Variants in TECPR2 observed in about 807,000 individuals in gnomAD.
The protein encoded by TECPR2 is tectonin beta-propeller repeat containing 2.
TECPR2 carries 65 observed loss-of-function variants against 138.1 expected under a neutral mutation model. The observed-to-expected ratio is 0.47, with a 90% CI of 0.39 to 0.58. The LOEUF is 0.58. Among genes scored for constraint, TECPR2 ranks in the 20% least tolerant of loss-of-function variants. TECPR2 has a pLI of 0.00. For synonymous variants in TECPR2, 746 were observed against 749.8 expected (o/e 0.99, Z 0.08); for missense variants, 1,553 against 1,824.5 (o/e 0.85, Z 2.71).
chr14:102,434,737 T>A lies in TECPR2; in HGVS notation c.1920T>A (p.Cys640Ter). ...IQPIGPQSTFCEVPLLNSLTV... is the reference protein window; with the variant it reads ...IQPIGPQSTF ...CCATTGGCCCCCAAAGCACTTTTTG[T>A]GAAGTCCCCCTCCTGAACTCACTCA... The change falls in exon 9 of 20, where the codon TGT becomes TGA. Residue 640 changes from cysteine to a stop codon, truncating the protein, a stop_gained. Coordinates refer to ENST00000359520, the MANE Select transcript of TECPR2 (RefSeq NM_014844.5). LOFTEE classifies it high-confidence loss of function. 6.2e-7 allele frequency: 1 copy of A among 1,613,680 alleles called. No individual in the cohort carries two copies. The highest frequency in any genetic ancestry group is 8.5e-7 in the Non-Finnish European group (1 of 1,180,022).
Position 102,419,816 on chromosome 14 carries a change from G to A in TECPR2, c.638+5023G>A, listed in dbSNP as rs774481141. Among the ~76,000 whole-genome samples the A allele has an allele frequency of 1.3e-5, 2 of 152,154 alleles. No homozygotes were observed. The highest frequency in any genetic ancestry group is 2.4e-5 in the African/African-American group (1 of 41,424). The stretch of plus-strand genomic sequence containing the variant: ...GAGCCCTCTGCAGACCTGTTACTGT[G>A]TCCCCTGTGAGTCTAGTACTCAGGG... On this transcript the variant is annotated intron_variant, in intron 5 of 19. Transcript: ENST00000359520. This position sits in a 1 kb window ranked among gnomAD's most constrained non-coding sequence, Gnocchi z 4.8.
At chr14:102,400,642 G>A (rs1416733197) in intron 2 of TECPR2, among the ~76,000 whole-genome samples, 1 of 152,068 alleles carries the variant, frequency 6.6e-6, no homozygotes, top group African/African-American at 2.4e-5. Context: ...ACATGAGAAA[G>A]GAATTTAAAT....
chr14:102,464,919 G>T (rs1315799083), intron 16 of TECPR2, among the ~76,000 whole-genome samples: 1 of 152,182 alleles, frequency 6.6e-6, no homozygotes, highest in Non-Finnish European at 1.5e-5. Flanking sequence ...GTGGCCAGAG[G>T]CCATTATTAC....
chr14:102,417,095 T>C (rs1889044805), intron 5 of TECPR2, among the ~76,000 whole-genome samples: 1 of 152,204 alleles, frequency 6.6e-6, no homozygotes, highest in Admixed American at 6.5e-5. Context: ...AGTCAAGTCT[T>C]TAGGGAACAT....
chr14:102,416,355 A>G (rs1219596331), intron 5 of TECPR2, among the ~76,000 whole-genome samples: 5 of 152,114 alleles, frequency 3.3e-5, no homozygotes, highest in Non-Finnish European at 5.9e-5. Flanking sequence ...TCCCGACCTC[A>G]GGTGATCCGC....
intron 2 of TECPR2, among the ~76,000 whole-genome samples, chr14:102,393,392 G>A (rs1888229735): frequency 6.6e-6 from 1 of 152,144 alleles, no homozygotes; most frequent in Admixed American, 6.6e-5. Context: ...TGTCTGGGAT[G>A]TTTTGATTCT....
chr14:102,482,200 G>A (rs964505030), intron 17 of TECPR2, among the ~76,000 whole-genome samples: 5 of 152,116 alleles, frequency 3.3e-5, no homozygotes, highest in South Asian at 2.1e-4. Context: ...CTTAACAGGC[G>A]TGTGCCACCA....
chr14:102,440,388 T>G (rs200855499), intron 10 of TECPR2, 48 bp from the exon 11 acceptor site: 115 of 1,596,424 alleles, frequency 7.2e-5, no homozygotes, highest in Admixed American at 1.9e-4. Flanking sequence ...TGTATAGAAA[T>G]ATATTCTAGT....
chr14:102,437,855 G>T (rs950981024), intron 9 of TECPR2, among the ~76,000 whole-genome samples, 167 bp from the exon 10 acceptor site: 2 of 152,160 alleles, frequency 1.3e-5, no homozygotes, highest in African/African-American at 4.8e-5. Flanking sequence ...TTGTAGTAGA[G>T]GGGTGTCCAC....
chr14:102,451,907 C>T (rs1299976366), intron 15 of TECPR2, among the ~76,000 whole-genome samples: 2 of 152,064 alleles, frequency 1.3e-5, no homozygotes, highest in Admixed American at 1.3e-4. Flanking sequence ...GCAGCTGCCC[C>T]ACCCCCCGGC....
In TECPR2 at chr14:102,415,428, A is replaced by G. The variant is rs1258023310; in HGVS notation, c.638+635A>G. On this transcript the variant is annotated intron_variant, in intron 5 of 19. Coordinates refer to ENST00000359520, the MANE Select transcript of TECPR2 (RefSeq NM_014844.5). The surrounding 1 kb of genome is among the most constrained non-coding windows in gnomAD (Gnocchi z 4.3). ...CCTCCTTTGACCAGTGATGTGGAGG[A>G]AGGGCATCGAGAAGTCCACCAGCCA... 1.3e-5 allele frequency among the ~76,000 whole-genome samples: 2 copies of G among 152,146 alleles called. No individual in the cohort carries two copies. The highest frequency in any genetic ancestry group is 4.8e-5 in the African/African-American group (2 of 41,436).
chr14:102,462,366 G>A (rs1003679988), intron 16 of TECPR2, among the ~76,000 whole-genome samples: 1 of 152,102 alleles, frequency 6.6e-6, no homozygotes, highest in African/African-American at 2.4e-5. Flanking sequence ...AAACTCCCCG[G>A]TAAAACATTC....
rs185206830 is a variant in TECPR2 at position 102,471,049 on chromosome 14, C to A, written c.3789+5760C>A. ...GAATAGGATGGTTTTGATCTCCTGA[C>A]CTCATGATCCACCTGCCTCGGCCTC... On this transcript the variant is annotated intron_variant, in intron 17 of 19. Coordinates refer to ENST00000359520, the MANE Select transcript of TECPR2 (RefSeq NM_014844.5). Among the ~76,000 whole-genome samples the A allele has an allele frequency of 1.1e-4, 17 of 152,122 alleles. No homozygotes were observed. The South Asian group carries it at 1.7e-3, about 15-fold the overall frequency.
At position 102,362,955 on chromosome 14, in the gene TECPR2, C is replaced by G. The variant is rs1264265246; in HGVS notation, c.-234C>G. ...CGCCCGCTGCCACTTGTGGCTCTGC[C>G]GCTCTAGCCCCCGGCGGAGCCAGCT... On this transcript the variant is annotated 5_prime_UTR_variant, in exon 1 of 20. Coordinates refer to ENST00000359520, the MANE Select transcript of TECPR2 (RefSeq NM_014844.5). 6.8e-6 allele frequency: 10 copies of G among 1,463,544 alleles called. No homozygotes were observed. The highest frequency in any genetic ancestry group is 2.4e-5 in the East Asian group (1 of 41,192). The allele number at this position is 1,463,544 out of a possible 1,614,324, so 90.7% of individuals were successfully genotyped here.
At chr14:102,436,910 TG>T in intron 9 of TECPR2, 1 of 825,006 alleles carries the variant, frequency 1.2e-6, no homozygotes, top group African/African-American at 1.8e-5. Flanking sequence ...AGACTGTCGG[TG>T]GGGTGGGGTA....
intron 1 of TECPR2, among the ~76,000 whole-genome samples, chr14:102,375,237 G>A (rs570912798): frequency 9.2e-5 from 14 of 151,898 alleles, no homozygotes; most frequent in Non-Finnish European, 1.5e-4. Flanking sequence ...TCCCAGCTAC[G>A]TGGGAGGTGG....
chr14:102,408,507 C>T lies in TECPR2; in HGVS notation c.368C>T (p.Thr123Ile). Residue 123 changes from threonine (T) to isoleucine (I), a missense_variant, in exon 4 of 20, where the codon ACT becomes ATT. Thr to Ile is a moderately conservative substitution (Grantham distance 89). Transcript: ENST00000359520. ...RNKQLRRFDV[T>I]GIHKNSITAL... ...TCATAGCTTCGGAGATTTGATGTCA[C>T]TGGTATTCACAAAAATAGCATTACA... 3 of 1,607,932 alleles carry T rather than the reference C, an allele frequency of 1.9e-6. No individual in the cohort carries two copies. The highest frequency in any genetic ancestry group is 1.3e-5 in the African/African-American group (1 of 74,596).
chr14:102,403,636 C>T (rs1468960058), intron 2 of TECPR2, among the ~76,000 whole-genome samples: 1 of 151,954 alleles, frequency 6.6e-6, no homozygotes, highest in East Asian at 1.9e-4. Context: ...CTAAAGATTC[C>T]ACAAAAAATT....
At chr14:102,369,123 C>A (rs1887423770) in intron 1 of TECPR2, among the ~76,000 whole-genome samples, 1 of 152,000 alleles carries the variant, frequency 6.6e-6, no homozygotes, top group Admixed American at 6.6e-5. Context: ...GGATTCTGAC[C>A]TTTTGTAATA....
Sources: allele counts gnomAD v4.1 joint callset (sites outside exome capture counted in the v4.1 genomes callset), GRCh38; gene constraint gnomAD v4.1.1; non-coding constraint Gnocchi (gnomAD v3.1); transcripts MANE v1.5; gene names NCBI Gene and HGNC (gene_info 2026-07-23, HGNC 2026-07-21).